COL4A6: variants seen among roughly 807,000 people sequenced by gnomAD.
COL4A6 encodes collagen type IV alpha 6 chain, also known as collagen alpha-6(IV) chain.
In COL4A6, 59 loss-of-function variants were observed where a neutral mutation model predicts 126.7. That is an observed-to-expected ratio of 0.47 (90% CI 0.38 to 0.58). The LOEUF (loss-of-function observed/expected upper bound fraction) is 0.58. COL4A6 is among the 20% of genes least tolerant of loss of function. The pLI is 0.00. For missense variants in COL4A6, 1,285 were observed against 1,337.3 expected (o/e 0.96, Z 0.61); for synonymous variants, 547 against 496.6 (o/e 1.10, Z -1.35).
At chrX:108,425,167 ATGTGTGTGTGTGTG>A (rs3081000) in intron 2 of COL4A6, among the ~76,000 whole-genome samples, 10 of 89,221 alleles carry the variant, frequency 1.1e-4, no homozygotes, top group Admixed American at 3.8e-4. Context: ...AGTTAACTGT[ATGTGTGTGTGTGTG>A]TGTGTGTGTG....
At chrX:108,284,849 G>A (rs778690432) in intron 3 of COL4A6, among the ~76,000 whole-genome samples, 3 of 112,101 alleles carry the variant, frequency 2.7e-5, no homozygotes, top group Non-Finnish European at 3.8e-5. Context: ...CTTCAAACGT[G>A]CCTCCATGTC....
At chrX:108,339,989 C>T (rs770040332) in intron 2 of COL4A6, among the ~76,000 whole-genome samples, 5 of 111,590 alleles carry the variant, frequency 4.5e-5, no homozygotes, top group Admixed American at 9.6e-5. Flanking sequence ...GACCCTTATA[C>T]GCAATCACCC....
intron 44 of COL4A6, among the ~76,000 whole-genome samples, chrX:108,158,008 G>A (rs757286183): frequency 9.0e-6 from 1 of 111,584 alleles, no homozygotes; most frequent in Admixed American, 9.4e-5. Context: ...TGGCACACAG[G>A]GACTCCTTAC....
At chrX:108,410,177 G>T (rs981924023) in intron 2 of COL4A6, among the ~76,000 whole-genome samples, 1 of 111,333 alleles carries the variant, frequency 9.0e-6, no homozygotes, top group South Asian at 3.8e-4. Context: ...CAATGAAGAA[G>T]CCAGAGGAAA....
intron 13 of COL4A6, among the ~76,000 whole-genome samples, chrX:108,199,711 G>C (rs1229252372): frequency 1.8e-5 from 2 of 111,483 alleles, no homozygotes; most frequent in African/African-American, 6.5e-5. Flanking sequence ...TTGCAGCAGG[G>C]GAAATACTCT....
Position 108,159,471 on chromosome X carries a change from A to C in COL4A6, c.4803T>G (p.Ser1601=). ...LGWRSLWIGY[S]FLMHTAAGAE... is the part of the protein sequence containing the mutation. ...CAGTGCAGGACCTTACCATGAGGAA[A>C]GAGTACCCAATCCAGAGGCTGCGCC... Residue 1601 remains serine, a synonymous_variant, in exon 44 of 45, where the codon TCT becomes TCG. Transcript: ENST00000334504. 8.3e-7 allele frequency: 1 copy of C among 1,212,019 alleles called. No homozygotes were observed. The highest frequency in any genetic ancestry group is 1.1e-6 in the Non-Finnish European group (1 of 895,544).
At position 108,258,726 on chromosome X, in the gene COL4A6, C is replaced by T. The variant is rs747086282; in HGVS notation, c.145-37352G>A. On this transcript the variant is annotated intron_variant, in intron 3 of 44. Transcript: ENST00000334504. The stretch of plus-strand genomic sequence containing the variant: ...TGCACCTGCAAATTAAATGATAATG[C>T]CATTAACCACAATTATATTCCTCTC... Among the ~76,000 whole-genome samples the T allele has an allele frequency of 2.7e-5, 3 of 111,733 alleles. No individual in the cohort carries two copies. In the East Asian group the frequency reaches 8.5e-4, roughly 32 times the overall value.
intron 37 of COL4A6, among the ~76,000 whole-genome samples, chrX:108,166,734 C>T (rs1229905042): frequency 1.8e-5 from 2 of 111,836 alleles, no homozygotes; most frequent in African/African-American, 6.5e-5. Context: ...AGCTAAGCCA[C>T]GTGGTGGTAC....
At chrX:108,266,526 A>G (rs188482633) in intron 3 of COL4A6, among the ~76,000 whole-genome samples, 1 of 111,695 alleles carries the variant, frequency 9.0e-6, no homozygotes, top group African/African-American at 3.3e-5. Flanking sequence ...TTCTCATTTC[A>G]AAACGTGTAC....
intron 32 of COL4A6, among the ~76,000 whole-genome samples, chrX:108,172,086 C>T (rs1328898867): frequency 8.9e-6 from 1 of 111,812 alleles, no homozygotes; most frequent in Non-Finnish European, 1.9e-5. Flanking sequence ...GGTGCAGTGG[C>T]TCACGCCTGT....
chrX:108,197,933 G>A (rs193134543), intron 13 of COL4A6, among the ~76,000 whole-genome samples: 1 of 110,827 alleles, frequency 9.0e-6, no homozygotes, highest in African/African-American at 3.3e-5. Flanking sequence ...TGAAAGGCTC[G>A]TGGGTTAAAC....
In COL4A6 at chrX:108,202,970, C is replaced by T. The variant is rs754587637; in HGVS notation, c.792G>A (p.Gly264=). Residue 264 remains glycine (G), a synonymous_variant, in exon 13 of 45, where the codon GGG becomes GGA. Coordinates refer to ENST00000334504, the MANE Select transcript of COL4A6 (RefSeq NM_033641.4). ...CACTTATGCCTGGAAAACCCTTAGGCCCTGGTTCACCCTGGAAAATCAGCC... is the reference window on the plus strand; with the variant it reads ...CACTTATGCCTGGAAAACCCTTAGGTCCTGGTTCACCCTGGAAAATCAGCC... ...KGKKGSKGEP[G]PKGFPGISGP... The T allele has an allele frequency of 2.5e-6, 3 of 1,207,803 alleles. No homozygotes were observed. The highest frequency in any genetic ancestry group is 5.9e-5 in the East Asian group (2 of 33,719).
chrX:108,331,029 T>G (rs1251562698), intron 2 of COL4A6, among the ~76,000 whole-genome samples: 1 of 111,870 alleles, frequency 8.9e-6, no homozygotes, highest in East Asian at 2.8e-4. Flanking sequence ...TCATCATGTG[T>G]AAAGGACATC....
intron 2 of COL4A6, among the ~76,000 whole-genome samples, chrX:108,362,397 G>T (rs1333458717): frequency 8.9e-6 from 1 of 111,742 alleles, no homozygotes; most frequent in Non-Finnish European, 1.9e-5. Context: ...ATATAAACTG[G>T]ATCACAGGCA....
At chrX:108,206,039 A>G (rs890496771) in intron 9 of COL4A6, among the ~76,000 whole-genome samples, 6 of 111,814 alleles carry the variant, frequency 5.4e-5, no homozygotes, top group Non-Finnish European at 1.1e-4. Flanking sequence ...TCCCAGAACC[A>G]CATAGATGAC....
At chrX:108,347,298 G>A (rs963505593) in intron 2 of COL4A6, among the ~76,000 whole-genome samples, 5 of 112,368 alleles carry the variant, frequency 4.4e-5, no homozygotes, top group Non-Finnish European at 9.4e-5. Flanking sequence ...ACATGAGGAG[G>A]ATGTGCACCT....
intron 2 of COL4A6, among the ~76,000 whole-genome samples, chrX:108,417,631 G>A (rs1474879474): frequency 9.0e-6 from 1 of 111,551 alleles, no homozygotes; most frequent in Non-Finnish European, 1.9e-5. Context: ...GTTCAGCTCT[G>A]CATGAGAAAA....
chrX:108,214,070 G>A (rs2148235914), intron 6 of COL4A6, 42 bp downstream of exon 6: 1 of 1,105,251 alleles, frequency 9.0e-7, no homozygotes, highest in South Asian at 1.9e-5. Context: ...GTAGAGACAA[G>A]CAAAGCCATT....
At chrX:108,422,690 T>C (rs1016948919) in intron 2 of COL4A6, among the ~76,000 whole-genome samples, 2 of 111,852 alleles carry the variant, frequency 1.8e-5, no homozygotes, top group African/African-American at 6.5e-5. Flanking sequence ...TAAAAGTCCA[T>C]GGACAAAGAA....
Sources: allele counts gnomAD v4.1 joint callset (sites outside exome capture counted in the v4.1 genomes callset), GRCh38; gene constraint gnomAD v4.1.1; transcripts MANE v1.5; gene names NCBI Gene and HGNC (gene_info 2026-07-23, HGNC 2026-07-21).